Variants in STARD10 observed in about 807,000 individuals in gnomAD.
The protein encoded by STARD10 is START domain-containing protein 10.
STARD10 carries 24 observed loss-of-function variants against 36.0 expected under a neutral mutation model. That is an observed-to-expected ratio of 0.67 (90% confidence interval 0.48 to 0.94). The LOEUF (loss-of-function observed/expected upper bound fraction) is 0.94, where lower values mean the gene tolerates loss of function less well. Ranked by LOEUF, STARD10 falls within the 40% of genes least tolerant of loss-of-function variation. The pLI, the probability that STARD10 is intolerant of heterozygous loss-of-function variation, is 0.00. For synonymous variants in STARD10, 156 were observed against 161.9 expected (o/e 0.96, Z 0.28); for missense variants, 335 against 396.6 (o/e 0.84, Z 1.32).
intron 5 of STARD10, among the ~76,000 whole-genome samples, chr11:72,756,826 CCGA>C (rs141010895): frequency 0.32 from 48,137 of 151,554 alleles, 8,741 homozygotes; most frequent in African/African-American, 0.48. Flanking sequence ...TCAGGAACTG[CCGA>C]GGAGGAGGCA....
intron 2 of STARD10, among the ~76,000 whole-genome samples, chr11:72,768,476 C>T (rs541192136): frequency 1.3e-3 from 199 of 152,052 alleles, no homozygotes; most frequent in African/African-American, 4.6e-3. Flanking sequence ...CCAAGAGCTG[C>T]GCCAGGGCAC....
chr11:72,755,220 C>T, intron 6 of STARD10, 78 bp from the exon 7 acceptor site: 1 of 1,480,656 alleles, frequency 6.8e-7, no homozygotes, highest in South Asian at 1.3e-5. Flanking sequence ...AGCGGCTCAG[C>T]CCCCAGCATC....
chr11:72,762,857 G>T (rs894310649), intron 2 of STARD10, among the ~76,000 whole-genome samples: 1 of 152,174 alleles, frequency 6.6e-6, no homozygotes, highest in African/African-American at 2.4e-5. Flanking sequence ...ATCTGGCTCA[G>T]TCTCCGTGGT....
At chr11:72,761,779 T>C (rs984826200) in intron 2 of STARD10, among the ~76,000 whole-genome samples, 4 of 151,448 alleles carry the variant, frequency 2.6e-5, no homozygotes, top group East Asian at 1.9e-4. Flanking sequence ...ATAACCTCAA[T>C]TGGGGGAAAA....
At chr11:72,758,727 T>A in intron 3 of STARD10, 94 bp from the exon 4 acceptor site, 1 of 829,662 alleles carries the variant, frequency 1.2e-6, no homozygotes, top group East Asian at 2.6e-5. Context: ...GATGCCTAAT[T>A]AACTGCCAGC....
chr11:72,786,073 CGG>C (rs1177417536), intron 1 of STARD10: 1 of 152,496 alleles, frequency 6.6e-6, no homozygotes, highest in Non-Finnish European at 1.5e-5. Context: ...TGCAGCAGGC[CGG>C]GCGCGGTGGC....
intron 1 of STARD10, among the ~76,000 whole-genome samples, chr11:72,784,375 T>C (rs1400486214): frequency 6.6e-6 from 1 of 152,186 alleles, no homozygotes; most frequent in Non-Finnish European, 1.5e-5. Context: ...TGACAGGCCT[T>C]CTCTGAGCCC....
intron 2 of STARD10, among the ~76,000 whole-genome samples, chr11:72,777,594 G>A (rs1420929133): frequency 6.6e-6 from 1 of 152,234 alleles, no homozygotes; most frequent in African/African-American, 2.4e-5. Context: ...CTGGGACAGG[G>A]ACTGAACTGT....
intron 2 of STARD10, among the ~76,000 whole-genome samples, chr11:72,767,634 C>T (rs543701311): frequency 6.6e-6 from 1 of 152,284 alleles, no homozygotes; most frequent in East Asian, 1.9e-4. Context: ...TCACAGATTC[C>T]TCCTCCAAAC....
chr11:72,774,660 G>A (rs1218590559), intron 2 of STARD10, among the ~76,000 whole-genome samples: 1 of 152,236 alleles, frequency 6.6e-6, no homozygotes, highest in Non-Finnish European at 1.5e-5. Flanking sequence ...GCAAAGGTGA[G>A]GGATCGGGGC....
chr11:72,776,255 GGACA>G (rs1858929312), intron 2 of STARD10, among the ~76,000 whole-genome samples: 1 of 152,160 alleles, frequency 6.6e-6, no homozygotes, highest in Non-Finnish European at 1.5e-5. Context: ...CCTAAGGTTA[GGACA>G]GCCTCTACAG....
At chr11:72,764,950 C>T (rs1019485299) in intron 2 of STARD10, among the ~76,000 whole-genome samples, 4 of 152,162 alleles carry the variant, frequency 2.6e-5, no homozygotes, top group African/African-American at 4.8e-5. Flanking sequence ...GCAGGGACCC[C>T]GACATGCAGT....
intron 2 of STARD10, among the ~76,000 whole-genome samples, chr11:72,777,568 C>G (rs1858942545): frequency 6.6e-6 from 1 of 152,256 alleles, no homozygotes; most frequent in Admixed American, 6.5e-5. Flanking sequence ...CCAGGATCCA[C>G]ATTCAGCATC....
intron 1 of STARD10, among the ~76,000 whole-genome samples, chr11:72,790,078 C>G (rs1015101429): frequency 6.6e-6 from 1 of 152,208 alleles, no homozygotes; most frequent in African/African-American, 2.4e-5. Flanking sequence ...GAGCTCTCGG[C>G]CCCACTCGCC....
intron 2 of STARD10, among the ~76,000 whole-genome samples, chr11:72,779,465 ACCAGCAGTC>A (rs1240626737): frequency 6.6e-6 from 1 of 152,122 alleles, no homozygotes; most frequent in Admixed American, 6.6e-5. Flanking sequence ...GGTGGTGTGC[ACCAGCAGTC>A]CCAGCTACTG....
At chr11:72,755,522 G>T (rs1280291697) in intron 6 of STARD10, 179 bp downstream of exon 6, 2 of 710,484 alleles carry the variant, frequency 2.8e-6, no homozygotes, top group African/African-American at 3.5e-5. Context: ...TGTTGGCCAG[G>T]CTGGTCTTGA....
chr11:72,772,269 G>A (rs1009393162), intron 2 of STARD10, among the ~76,000 whole-genome samples: 6 of 150,832 alleles, frequency 4.0e-5, no homozygotes, highest in Non-Finnish European at 8.9e-5. Context: ...TAGTGGGCAC[G>A]GTTCTCCCTG....
At chr11:72,791,761 C>G (rs923452565) in intron 1 of STARD10, among the ~76,000 whole-genome samples, 1 of 151,408 alleles carries the variant, frequency 6.6e-6, no homozygotes, top group Non-Finnish European at 1.5e-5. Context: ...GGCTGAAAAA[C>G]AGAAATGATA....
intron 6 of STARD10, chr11:72,755,435 C>A: frequency 1.8e-6 from 1 of 569,572 alleles, no homozygotes; most frequent in South Asian, 1.9e-5. Flanking sequence ...CTTAGCCTCC[C>A]GAGTAGCTGG....
Sources: allele counts gnomAD v4.1 joint callset (sites outside exome capture counted in the v4.1 genomes callset), GRCh38; gene constraint gnomAD v4.1.1; transcripts MANE v1.5; gene names NCBI Gene and HGNC (gene_info 2026-07-23, HGNC 2026-07-21).